The following EGF variants were observed in gnomAD, a reference collection of about 807,000 sequenced individuals.
EGF encodes pro-epidermal growth factor.
EGF carries 95 observed loss-of-function variants against 143.8 expected under a neutral mutation model. The ratio of observed to expected loss-of-function variants is 0.66; its 90% CI spans 0.56 to 0.78. The LOEUF (loss-of-function observed/expected upper bound fraction) is 0.78, where lower values mean the gene tolerates loss of function less well. Among genes scored for constraint, EGF ranks in the 30% least tolerant of loss-of-function variants. The pLI is 0.00. For synonymous variants in EGF, 510 were observed against 510.5 expected (o/e 1.00, Z 0.01); for missense variants, 1,320 against 1,470.9 (o/e 0.90, Z 1.68).
At chr4:109,945,353 G>T (rs1050476980) in intron 5 of EGF, 78 bp downstream of exon 5, 1 of 1,446,068 alleles carries the variant, frequency 6.9e-7, no homozygotes, top group Non-Finnish European at 9.6e-7. Context: ...ACAATGAGGC[G>T]TTGTAGGGGA....
At chr4:109,980,755 T>G in intron 14 of EGF, 71 bp from the exon 15 acceptor site, 2 of 1,572,890 alleles carry the variant, frequency 1.3e-6, no homozygotes, top group Non-Finnish European at 8.7e-7. Context: ...AAAAGCAAGC[T>G]GTAGACTTGC....
At chr4:109,980,369 C>G (rs1282055408) in intron 14 of EGF, among the ~76,000 whole-genome samples, 1 of 152,178 alleles carries the variant, frequency 6.6e-6, no homozygotes, top group Admixed American at 6.5e-5. Flanking sequence ...CTTTTACTTA[C>G]CTGCTGCATT....
In EGF at chr4:109,976,941, A is replaced by G. The variant is rs189389182; in HGVS notation, c.2053+706A>G. Among the ~76,000 whole-genome samples, 29 of 152,340 alleles carry G rather than the reference A, an allele frequency of 1.9e-4. No individual in the cohort carries two copies. In the East Asian group the frequency reaches 1.9e-3, roughly 10 times the overall value. ...TTGAATGTTCTTGCACATAAAATGTATATGTTAAGATTGGCATCTCTGGAT... is the reference window on the plus strand; with the variant it reads ...TTGAATGTTCTTGCACATAAAATGTGTATGTTAAGATTGGCATCTCTGGAT... On this transcript the variant is annotated intron_variant, in intron 13 of 23. Coordinates refer to ENST00000265171, the MANE Select transcript of EGF (RefSeq NM_001963.6).
intron 1 of EGF, among the ~76,000 whole-genome samples, chr4:109,931,474 A>C (rs1049213299): frequency 5.3e-5 from 8 of 152,164 alleles, no homozygotes; most frequent in Non-Finnish European, 1.0e-4. Context: ...GGCAGGGTGG[A>C]GTTGGAAGTG....
rs1322151813 is a variant in EGF at position 109,974,689 on chromosome 4, T to G, written c.1725-14T>G. On this transcript the variant is annotated splice_polypyrimidine_tract_variant and intron_variant, in intron 11 of 23. Transcript: ENST00000265171. The stretch of plus-strand genomic sequence containing the variant: ...GGTGTTATAACAAACTCCCTTATTT[T>G]GCACATATTTTAGGAAATCTCTGAT... The G allele has an allele frequency of 1.3e-6, 2 of 1,590,908 alleles. No homozygotes were observed. Among genetic ancestry groups the G allele is most frequent in the Non-Finnish European group, 1.7e-6 (2 of 1,159,148 alleles).
chr4:109,940,902 A>G (rs752583525), intron 1 of EGF, 44 bp from the exon 2 acceptor site: 8 of 1,580,442 alleles, frequency 5.1e-6, no homozygotes, highest in Non-Finnish European at 7.0e-6. Context: ...TAAATGAGAT[A>G]AAATATTAAA....
intron 1 of EGF, among the ~76,000 whole-genome samples, chr4:109,929,947 G>A (rs1739390947): frequency 6.6e-6 from 1 of 152,178 alleles, no homozygotes; most frequent in Non-Finnish European, 1.5e-5. Context: ...AGACCTGGTG[G>A]GAAGTGATTG....
At chr4:109,984,302 C>A (rs1050796886) in intron 16 of EGF, among the ~76,000 whole-genome samples, 2 of 151,648 alleles carry the variant, frequency 1.3e-5, no homozygotes, top group Non-Finnish European at 2.9e-5. Flanking sequence ...TAAGGAGATG[C>A]TTTACCCAAC....
intron 21 of EGF, chr4:110,004,215 TACACACACACAC>T (rs772189572): frequency 1.7e-3 from 615 of 356,996 alleles, no homozygotes; most frequent in Non-Finnish European, 2.5e-3. Flanking sequence ...TGGGCATACA[TACACACACACAC>T]ACACACACAC....
intron 22 of EGF, 92 bp from the exon 23 acceptor site, chr4:110,008,060 C>T: frequency 8.5e-7 from 1 of 1,176,966 alleles, no homozygotes; most frequent in South Asian, 1.2e-5. Flanking sequence ...ATAGGATGAA[C>T]ATCGTAAAGC....
chr4:109,973,957 G>A (rs2298993), intron 11 of EGF, among the ~76,000 whole-genome samples: 81,759 of 151,892 alleles, frequency 0.54, 24,635 homozygotes, highest in African/African-American at 0.81. Context: ...CTGAGGATTC[G>A]ACCAACCTTG....
chr4:109,925,882 C>T (rs1487410594), intron 1 of EGF, among the ~76,000 whole-genome samples: 1 of 152,130 alleles, frequency 6.6e-6, no homozygotes, highest in Non-Finnish European at 1.5e-5. Flanking sequence ...CAGAGAACAC[C>T]ACAGCCTTCA....
chr4:109,932,081 A>C (rs73841105), intron 1 of EGF, among the ~76,000 whole-genome samples: 1,553 of 151,988 alleles, frequency 0.01, 27 homozygotes, highest in African/African-American at 0.035. Context: ...AGGATGTAAA[A>C]ATTTGTTATT....
At chr4:109,951,663 A>G (rs903216898) in intron 5 of EGF, among the ~76,000 whole-genome samples, 1 of 152,330 alleles carries the variant, frequency 6.6e-6, no homozygotes, top group Non-Finnish European at 1.5e-5. Context: ...AAGTGTGATA[A>G]TTAGTGTAAT....
intron 13 of EGF, among the ~76,000 whole-genome samples, chr4:109,976,505 G>A (rs1490524375): frequency 6.6e-6 from 1 of 152,244 alleles, no homozygotes; most frequent in Admixed American, 6.5e-5. Flanking sequence ...TTAGGAATAA[G>A]AACTTGGTTC....
intron 8 of EGF, 58 bp from the exon 9 acceptor site, chr4:109,963,114 AT>A: frequency 6.3e-7 from 1 of 1,581,378 alleles, no homozygotes; most frequent in South Asian, 1.1e-5. Context: ...CCATCCTTTG[AT>A]GAAAAATAAT....
In EGF at chr4:109,944,255, C is replaced by T. The variant is rs41350346; in HGVS notation, c.737+186C>T. ...GAGATCGAGACCATCCTGGCTAACA[C>T]GGTGAAACCCCGTCTCTACTAAAAA... On this transcript the variant is annotated intron_variant, in intron 4 of 23. Transcript: ENST00000265171. Among the ~76,000 whole-genome samples, 285 of 152,250 alleles carry T rather than the reference C, an allele frequency of 1.9e-3. 1 individual carries two copies. Among genetic ancestry groups the T allele is most frequent in the African/African-American group, 6.5e-3 (269 of 41,542 alleles).
chr4:110,001,637 T>C, intron 21 of EGF: 1 of 985,460 alleles, frequency 1.0e-6, no homozygotes, highest in Non-Finnish European at 1.2e-6. Flanking sequence ...TCTGTTGGCA[T>C]TTTTCAGAGA....
At chr4:109,946,148 ACTTCT>A (rs1742826676) in intron 5 of EGF, among the ~76,000 whole-genome samples, 1 of 152,104 alleles carries the variant, frequency 6.6e-6, no homozygotes, top group Non-Finnish European at 1.5e-5. Flanking sequence ...TCAAATGTCC[ACTTCT>A]CTTCTCTATT....
Sources: allele counts gnomAD v4.1 joint callset (sites outside exome capture counted in the v4.1 genomes callset), GRCh38; gene constraint gnomAD v4.1.1; transcripts MANE v1.5; gene names NCBI Gene and HGNC (gene_info 2026-07-23, HGNC 2026-07-21).